TMEM163: variants seen among roughly 807,000 people sequenced by gnomAD.
The protein encoded by TMEM163 is transmembrane protein 163.
In TMEM163, 17 loss-of-function variants were observed where a neutral mutation model predicts 29.3. The ratio of observed to expected loss-of-function variants is 0.58; its 90% CI spans 0.40 to 0.87. The LOEUF is 0.87. TMEM163 is among the 40% of genes least tolerant of loss of function. The pLI is 0.00. For missense variants in TMEM163, 303 were observed against 381.5 expected, an observed-to-expected ratio of 0.79 and a Z score of 1.71; for synonymous variants, 157 against 160.6, an observed-to-expected ratio of 0.98 and a Z score of 0.17.
chr2:134,466,010 T>C (rs1318304689), intron 6 of TMEM163, 104 bp downstream of exon 6: 2 of 795,408 alleles, frequency 2.5e-6, no homozygotes, highest in Non-Finnish European at 4.0e-6. Context: ...GGATTCCAAA[T>C]TATTGAGTTC....
chr2:134,518,785 T>C (rs1680132014), intron 4 of TMEM163, among the ~76,000 whole-genome samples: 1 of 152,076 alleles, frequency 6.6e-6, no homozygotes, highest in Admixed American at 6.6e-5. Context: ...CCTACTTCAC[T>C]CCCACTTCCT....
At chr2:134,543,022 G>A (rs1680710176) in intron 4 of TMEM163, among the ~76,000 whole-genome samples, 1 of 152,190 alleles carries the variant, frequency 6.6e-6, no homozygotes, top group Admixed American at 6.5e-5. Flanking sequence ...ATCTTCACTT[G>A]TTTACATCTG....
At chr2:134,678,649 A>C (rs1008563713) in intron 2 of TMEM163, among the ~76,000 whole-genome samples, 1 of 152,116 alleles carries the variant, frequency 6.6e-6, no homozygotes, top group Non-Finnish European at 1.5e-5. Flanking sequence ...TGCTACTCAT[A>C]AGCTGTGTCA....
At chr2:134,617,954 A>T (rs1007758701) in intron 2 of TMEM163, among the ~76,000 whole-genome samples, 10 of 151,660 alleles carry the variant, frequency 6.6e-5, no homozygotes, top group East Asian at 3.9e-4. Context: ...CTACCAAAAA[A>T]TTTTTTTTCA....
intron 2 of TMEM163, among the ~76,000 whole-genome samples, chr2:134,673,180 C>T (rs1458528027): frequency 6.6e-6 from 1 of 152,094 alleles, no homozygotes; most frequent in Admixed American, 6.5e-5. Flanking sequence ...CACCTGGCAG[C>T]CTTCTACTAA....
In TMEM163 at chr2:134,456,563, A is replaced by T; in HGVS notation, c.*153T>A. The stretch of plus-strand genomic sequence containing the variant: ...GGGCGGCAGGTGATGGGGGCAAGGT[A>T]GATCCACCTGGCTGGGCAGACCTTG... On this transcript the variant is annotated 3_prime_UTR_variant, in exon 8 of 8. Coordinates refer to ENST00000281924, the MANE Select transcript of TMEM163 (RefSeq NM_030923.5). The T allele has an allele frequency of 1.2e-6, 1 of 852,168 alleles. No individual in the cohort carries two copies. Among genetic ancestry groups the T allele is most frequent in the Non-Finnish European group, 1.9e-6 (1 of 533,958 alleles). The allele number at this position is 852,168 out of a possible 1,614,324, so 52.8% of individuals were successfully genotyped here. A position where few individuals can be genotyped will look rare whatever the true frequency, so the allele number is the denominator to read the frequency against.
intron 4 of TMEM163, among the ~76,000 whole-genome samples, chr2:134,520,973 G>C (rs1241472311): frequency 6.6e-6 from 1 of 150,578 alleles, no homozygotes; most frequent in Non-Finnish European, 1.5e-5. Context: ...AGCTCTCCAG[G>C]TGTTCCTTAT....
intron 2 of TMEM163, among the ~76,000 whole-genome samples, chr2:134,582,751 T>C (rs1389439399): frequency 6.6e-6 from 1 of 152,166 alleles, no homozygotes; most frequent in African/African-American, 2.4e-5. Context: ...TGCTTTAGTT[T>C]TGGCAACAGT....
At chr2:134,636,680 G>A (rs1308074018) in intron 2 of TMEM163, among the ~76,000 whole-genome samples, 4 of 152,204 alleles carry the variant, frequency 2.6e-5, no homozygotes, top group Non-Finnish European at 5.9e-5. Context: ...AAATTAGCCA[G>A]AAGATTAGAA....
intron 2 of TMEM163, among the ~76,000 whole-genome samples, chr2:134,637,913 A>G (rs889980643): frequency 1.3e-5 from 2 of 152,238 alleles, no homozygotes; most frequent in African/African-American, 4.8e-5. Context: ...GCTTATATCA[A>G]TGAGCCTGTG....
chr2:134,483,596 A>C (rs964145157), intron 5 of TMEM163, among the ~76,000 whole-genome samples: 3 of 152,178 alleles, frequency 2.0e-5, no homozygotes, highest in African/African-American at 7.2e-5. Flanking sequence ...AACTGTCACA[A>C]GACCCCTGCG....
intron 2 of TMEM163, among the ~76,000 whole-genome samples, chr2:134,707,141 C>T (rs1573553115): frequency 6.6e-6 from 1 of 152,248 alleles, no homozygotes; most frequent in South Asian, 2.1e-4. Context: ...GCACCATTGC[C>T]TGCTTCAGTG....
chr2:134,517,199 G>A (rs1328228365), intron 4 of TMEM163, among the ~76,000 whole-genome samples: 1 of 152,132 alleles, frequency 6.6e-6, no homozygotes, highest in East Asian at 1.9e-4. Context: ...AAGTTCTGTG[G>A]ACATGAATTC....
At chr2:134,559,892 C>T (rs111706790) in intron 2 of TMEM163, among the ~76,000 whole-genome samples, 2 of 152,266 alleles carry the variant, frequency 1.3e-5, no homozygotes, top group African/African-American at 2.4e-5. Context: ...TCCCTCCATG[C>T]CCCTGGTACT....
rs978402118 is a variant in TMEM163 at position 134,712,885 on chromosome 2, A to T, written c.322+315T>A. Among the ~76,000 whole-genome samples the T allele has an allele frequency of 2.6e-5, 4 of 152,162 alleles. No individual in the cohort carries two copies. The East Asian group carries it at 5.8e-4, about 22-fold the overall frequency. ...AATCTTAAGGATATATATGTGTCAC[A>T]TGTCAGCCCAAGCTGAAGGCATCCA... On this transcript the variant is annotated intron_variant, in intron 2 of 7. Coordinates refer to ENST00000281924, the MANE Select transcript of TMEM163 (RefSeq NM_030923.5).
intron 2 of TMEM163, among the ~76,000 whole-genome samples, chr2:134,712,485 C>T (rs1573556679): frequency 2.0e-5 from 3 of 151,804 alleles, no homozygotes; most frequent in South Asian, 2.1e-4. Flanking sequence ...CAAAACACCA[C>T]GGGTTTCTAC....
intron 2 of TMEM163, among the ~76,000 whole-genome samples, chr2:134,589,734 G>A (rs942483884): frequency 1.3e-5 from 2 of 152,182 alleles, no homozygotes; most frequent in African/African-American, 4.8e-5. Context: ...TCTGCCAATG[G>A]AGTAGCCATT....
chr2:134,588,700 C>T (rs1322210850), intron 2 of TMEM163, among the ~76,000 whole-genome samples: 1 of 152,108 alleles, frequency 6.6e-6, no homozygotes, highest in East Asian at 1.9e-4. Context: ...GGACCCTGAC[C>T]CCTACAAACT....
chr2:134,688,038 C>G (rs922126505), intron 2 of TMEM163, among the ~76,000 whole-genome samples: 1 of 152,118 alleles, frequency 6.6e-6, no homozygotes, highest in Non-Finnish European at 1.5e-5. Context: ...CCAGACCACT[C>G]CAATAACAAA....
Sources: gnomAD v4.1 joint callset for allele counts (sites outside exome capture counted in the v4.1 genomes callset) on GRCh38, gnomAD v4.1.1 for gene constraint, MANE v1.5 for transcripts, NCBI Gene and HGNC (gene_info 2026-07-23, HGNC 2026-07-21) for gene names.